GPC5: variants seen among roughly 807,000 people sequenced by gnomAD.
The protein encoded by GPC5 is glypican 5, also known as glypican-5.
In GPC5, 47 loss-of-function variants were observed where a neutral mutation model predicts 53.9. That is an observed-to-expected ratio of 0.87 (90% CI 0.69 to 1.11). GPC5 has a LOEUF of 1.11. Among genes scored for constraint, GPC5 ranks in the 50% most tolerant of loss-of-function variants. GPC5 has a pLI of 0.00. For missense variants in GPC5, 748 were observed against 713.1 expected (o/e 1.05, Z -0.56); for synonymous variants, 286 against 263.3 (o/e 1.09, Z -0.84).
At chr13:91,703,800 T>A (rs1311243331) in intron 3 of GPC5, among the ~76,000 whole-genome samples, 1 of 152,214 alleles carries the variant, frequency 6.6e-6, no homozygotes, top group Non-Finnish European at 1.5e-5. Flanking sequence ...GGAATTATTT[T>A]AAAATGTTTC....
intron 2 of GPC5, among the ~76,000 whole-genome samples, chr13:91,511,995 A>G (rs1196344559): frequency 6.6e-6 from 1 of 152,184 alleles, no homozygotes; most frequent in African/African-American, 2.4e-5. Flanking sequence ...TTCTCCAGTT[A>G]AGCTATTAAT....
chr13:92,851,723 T>TGAAA (rs1395760529), intron 7 of GPC5, among the ~76,000 whole-genome samples: 2 of 124,936 alleles, frequency 1.6e-5, no homozygotes, highest in African/African-American at 5.8e-5. Flanking sequence ...CTACTAAAAA[T>TGAAA]GAAAAAAAAA....
chr13:91,756,944 GC>G (rs1277904272), intron 5 of GPC5, among the ~76,000 whole-genome samples: 5 of 151,328 alleles, frequency 3.3e-5, no homozygotes, highest in African/African-American at 1.2e-4. Context: ...AATAGTGGGG[GC>G]ACTTTTATAT....
Position 91,521,444 on chromosome 13 carries a change from G to A in GPC5, c.325+72522G>A, listed in dbSNP as rs111701649. ...CAGGTATCTTAGTTAAATTCAAGAG[G>A]CATCATACAGATAAATAGAAATACT... On this transcript the variant is annotated intron_variant, in intron 2 of 7. Transcript: ENST00000377067. Among the ~76,000 whole-genome samples the A allele has an allele frequency of 8.5e-5, 13 of 152,196 alleles. 1 individual carries two copies. Among genetic ancestry groups the A allele is most frequent in the African/African-American group, 3.1e-4 (13 of 41,544 alleles).
intron 7 of GPC5, among the ~76,000 whole-genome samples, chr13:92,362,877 C>T (rs1293218988): frequency 6.6e-6 from 1 of 151,748 alleles, no homozygotes; most frequent in Non-Finnish European, 1.5e-5. Context: ...ATGGCTTGTG[C>T]TTCCACTTCT....
intron 7 of GPC5, among the ~76,000 whole-genome samples, chr13:92,500,115 T>G (rs1431055710): frequency 6.6e-6 from 1 of 152,156 alleles, no homozygotes; most frequent in African/African-American, 2.4e-5. Flanking sequence ...GGCATCAGCA[T>G]GGACATAAGG....
At chr13:92,300,590 A>G (rs2139196901) in intron 7 of GPC5, among the ~76,000 whole-genome samples, 1 of 152,328 alleles carries the variant, frequency 6.6e-6, no homozygotes, top group African/African-American at 2.4e-5. Context: ...AAATAAAATC[A>G]ATAGGCAGTG....
At chr13:92,279,399 T>C in intron 7 of GPC5, among the ~76,000 whole-genome samples, 1 of 152,104 alleles carries the variant, frequency 6.6e-6, no homozygotes. Context: ...ATTTGTTAAA[T>C]ATTGTTTAAT....
At chr13:91,440,779 C>T (rs564669192) in intron 1 of GPC5, among the ~76,000 whole-genome samples, 29 of 152,278 alleles carry the variant, frequency 1.9e-4, no homozygotes, top group Admixed American at 1.8e-3. Flanking sequence ...ACTGTCACTG[C>T]GTCTCTTGGG....
intron 7 of GPC5, among the ~76,000 whole-genome samples, chr13:92,422,560 A>G (rs1253052119): frequency 6.7e-6 from 1 of 150,096 alleles, no homozygotes; most frequent in African/African-American, 2.5e-5. Context: ...GTATTCCCCC[A>G]TTGTAGTCAT....
At chr13:91,457,278 G>A (rs1307792143) in intron 2 of GPC5, among the ~76,000 whole-genome samples, 1 of 151,802 alleles carries the variant, frequency 6.6e-6, no homozygotes, top group African/African-American at 2.4e-5. Context: ...AGGTCTTATG[G>A]TTTGTTTTTT....
chr13:92,085,634 C>T (rs547481222), intron 6 of GPC5, among the ~76,000 whole-genome samples: 9 of 152,240 alleles, frequency 5.9e-5, no homozygotes, highest in South Asian at 2.1e-4. Flanking sequence ...TATAATGAAA[C>T]AGTTATACAG....
At chr13:91,957,449 A>G (rs2040084005) in intron 6 of GPC5, among the ~76,000 whole-genome samples, 1 of 152,170 alleles carries the variant, frequency 6.6e-6, no homozygotes, top group Non-Finnish European at 1.5e-5. Context: ...CTCGAGATTT[A>G]GATATCCAGA....
chr13:92,511,200 T>G (rs1880550563), intron 7 of GPC5, among the ~76,000 whole-genome samples: 1 of 152,188 alleles, frequency 6.6e-6, no homozygotes, highest in Non-Finnish European at 1.5e-5. Flanking sequence ...TTATTCTGGC[T>G]TTTTCTCAAG....
intron 7 of GPC5, among the ~76,000 whole-genome samples, chr13:92,751,318 A>AAAAC: frequency 6.8e-6 from 1 of 147,326 alleles, no homozygotes; most frequent in African/African-American, 2.5e-5. Flanking sequence ...AAAAAAAAAA[A>AAAAC]AAAAAAAAAA....
chr13:91,451,307 G>T (rs1413556691), intron 2 of GPC5, among the ~76,000 whole-genome samples: 1 of 152,118 alleles, frequency 6.6e-6, no homozygotes, highest in Non-Finnish European at 1.5e-5. Flanking sequence ...CATTGGACTG[G>T]GATGTAGTAT....
chr13:92,119,390 G>GTTTTTTTTTTTTTTTTT (rs386380215), intron 6 of GPC5, among the ~76,000 whole-genome samples: 1 of 65,672 alleles, frequency 1.5e-5, no homozygotes, highest in African/African-American at 6.5e-5. Flanking sequence ...TAGGATTTTA[G>GTTTTTTTTTTTTTTTTT]TTTTTTTTTT....
intron 7 of GPC5, chr13:92,241,235 A>G (rs1006651922): frequency 1.3e-5 from 2 of 152,232 alleles, no homozygotes; most frequent in Non-Finnish European, 2.9e-5. Context: ...ACACTAAAAA[A>G]TAAGTAGTTG....
intron 6 of GPC5, among the ~76,000 whole-genome samples, chr13:92,081,473 A>G (rs1217180561): frequency 6.6e-6 from 1 of 152,184 alleles, no homozygotes; most frequent in Non-Finnish European, 1.5e-5. Flanking sequence ...TGATGAATAA[A>G]TGGATTTTAA....
Sources: gnomAD v4.1 joint callset for allele counts (sites outside exome capture counted in the v4.1 genomes callset) on GRCh38, gnomAD v4.1.1 for gene constraint, MANE v1.5 for transcripts, NCBI Gene and HGNC (gene_info 2026-07-23, HGNC 2026-07-21) for gene names.